The following TSPAN11 variants were observed in gnomAD, a reference collection of about 807,000 sequenced individuals.
TSPAN11 encodes tetraspanin 11.
A neutral mutation model predicts 32.9 loss-of-function variants in TSPAN11; 29 were observed. The observed-to-expected ratio is 0.88, with a 90% confidence interval of 0.66 to 1.20. The LOEUF (loss-of-function observed/expected upper bound fraction) is 1.20. Ranked by LOEUF, TSPAN11 falls within the 50% of genes most tolerant of loss-of-function variation. The pLI is 0.00. For missense variants in TSPAN11, 283 were observed against 329.1 expected (o/e 0.86, Z 1.08); for synonymous variants, 140 against 141.3 (o/e 0.99, Z 0.07).
chr12:30,959,951 T>C (rs1592477246), intron 2 of TSPAN11, among the ~76,000 whole-genome samples: 1 of 147,718 alleles, frequency 6.8e-6, no homozygotes, highest in East Asian at 2.0e-4. Context: ...GGGGGTGCCT[T>C]GGGGGATCAG....
chr12:30,974,154 T>C (rs1320347186), intron 3 of TSPAN11, among the ~76,000 whole-genome samples: 1 of 152,266 alleles, frequency 6.6e-6, no homozygotes, highest in African/African-American at 2.4e-5. Flanking sequence ...ATGTTCTGTT[T>C]CCAGCTCTTC....
At chr12:30,948,712 T>C (rs1369098828) in intron 1 of TSPAN11, among the ~76,000 whole-genome samples, 5 of 152,212 alleles carry the variant, frequency 3.3e-5, no homozygotes, top group Non-Finnish European at 7.3e-5. Flanking sequence ...GGGGCTGCCA[T>C]GAAGACCTCT....
chr12:30,950,654 G>C (rs1938363957), intron 1 of TSPAN11, among the ~76,000 whole-genome samples: 1 of 152,200 alleles, frequency 6.6e-6, no homozygotes, highest in Non-Finnish European at 1.5e-5. Context: ...TCAGTTTGCA[G>C]GTAAGCAGCT....
chr12:30,983,368 A>G (rs1939135347), intron 7 of TSPAN11, among the ~76,000 whole-genome samples: 1 of 152,176 alleles, frequency 6.6e-6, no homozygotes, highest in African/African-American at 2.4e-5. Context: ...GCTGGGGACA[A>G]CATGAACTTG....
intron 3 of TSPAN11, among the ~76,000 whole-genome samples, chr12:30,965,521 G>T (rs893577608): frequency 6.6e-6 from 1 of 152,036 alleles, no homozygotes; most frequent in Non-Finnish European, 1.5e-5. Flanking sequence ...GAAGGCCAGT[G>T]GTCCCCTGCA....
In TSPAN11 at chr12:30,961,504, C is replaced by T. The variant is rs185834854; in HGVS notation, c.85-2322C>T. Among the ~76,000 whole-genome samples the T allele has an allele frequency of 6.6e-5, 10 of 152,028 alleles. 3 individuals are homozygous for T. The highest frequency in any genetic ancestry group is 2.4e-4 in the African/African-American group (10 of 41,328). Reference sequence around the variant, plus strand: ...CCCGTGACCCCCTCTGGTGACCCATCCAACAGTGAGCAGTGTTAATTTTCC... The same window carrying T: ...CCCGTGACCCCCTCTGGTGACCCATTCAACAGTGAGCAGTGTTAATTTTCC... On this transcript the variant is annotated intron_variant, in intron 2 of 7. Coordinates refer to ENST00000546076, the MANE Select transcript of TSPAN11 (RefSeq NM_001370302.1).
At chr12:30,959,859 G>A (rs1028453202) in intron 2 of TSPAN11, among the ~76,000 whole-genome samples, 5 of 151,528 alleles carry the variant, frequency 3.3e-5, no homozygotes, top group Non-Finnish European at 5.9e-5. Context: ...GTTAAGGCCA[G>A]ACAGTAAGAG....
intron 1 of TSPAN11, among the ~76,000 whole-genome samples, chr12:30,945,898 C>A (rs1466863679): frequency 1.3e-5 from 2 of 152,170 alleles, no homozygotes; most frequent in African/African-American, 4.8e-5. Flanking sequence ...GTTCTGCAGT[C>A]AGAACCTCAG....
intron 3 of TSPAN11, among the ~76,000 whole-genome samples, chr12:30,974,326 T>G (rs1402262708): frequency 4.6e-5 from 7 of 152,206 alleles, no homozygotes; most frequent in Admixed American, 1.3e-4. Context: ...GCCAGATAAT[T>G]CTTCACTGCG....
At position 30,995,331 on chromosome 12, in the gene TSPAN11, C is replaced by T. The variant is rs1432398355; in HGVS notation, c.*3416C>T. 2.0e-5 allele frequency: 3 copies of T among 152,288 alleles called. No homozygotes were observed. The highest frequency in any genetic ancestry group is 4.8e-5 in the African/African-American group (2 of 41,458). The allele number at this position is 152,288 out of a possible 1,614,324, so 9.4% of individuals were successfully genotyped here. A position where few individuals can be genotyped will look rare whatever the true frequency, so the allele number is the denominator to read the frequency against. ...CCCTGGGGTTGTGTTGACCACCTCC[C>T]CTTCAGGTGAGGCCCTTTTCTGCCT... is the stretch of plus-strand genomic sequence containing the variant. On this transcript the variant is annotated 3_prime_UTR_variant, in exon 8 of 8. Transcript: ENST00000546076.
intron 2 of TSPAN11, among the ~76,000 whole-genome samples, chr12:30,959,150 C>T (rs1181446701): frequency 6.6e-6 from 1 of 152,164 alleles, no homozygotes; most frequent in Non-Finnish European, 1.5e-5. Context: ...GAGTCTCACA[C>T]TCACTGGGGC....
At chr12:31,003,441 G>C in the TSPAN11 span, among the ~76,000 whole-genome samples, 1 of 152,378 alleles carries the variant, frequency 6.6e-6, no homozygotes, top group Admixed American at 6.5e-5. Context: ...GGACAGATGA[G>C]CTGGGGGGTG....
At chr12:30,983,178 G>T (rs1012537414) in intron 7 of TSPAN11, 28 bp downstream of exon 7, 1 of 1,594,874 alleles carries the variant, frequency 6.3e-7, no homozygotes, top group Admixed American at 1.7e-5. Flanking sequence ...GACTGGTGGG[G>T]GTGGAAGGGC....
At chr12:30,958,635 G>A (rs1190090092) in intron 2 of TSPAN11, among the ~76,000 whole-genome samples, 1 of 152,160 alleles carries the variant, frequency 6.6e-6, no homozygotes, top group Non-Finnish European at 1.5e-5. Context: ...TTCAGACCTG[G>A]TCTCCCAGTC....
intron 2 of TSPAN11, among the ~76,000 whole-genome samples, chr12:30,959,757 G>C (rs1383427235): frequency 6.8e-6 from 1 of 146,526 alleles, no homozygotes; most frequent in Non-Finnish European, 1.5e-5. Context: ...TCCAGGCTGC[G>C]CGACCGAGTG....
rs531921192 is a variant in TSPAN11, at chr12:30,975,660, C to A, written c.277-2901C>A. 2.6e-4 allele frequency among the ~76,000 whole-genome samples: 39 copies of A among 152,156 alleles called. No homozygotes were observed. The highest frequency in any genetic ancestry group is 6.0e-4 in the African/African-American group (25 of 41,512). On this transcript the variant is annotated intron_variant, in intron 3 of 7. Coordinates refer to ENST00000546076, the MANE Select transcript of TSPAN11 (RefSeq NM_001370302.1). The surrounding 1 kb of genome is among the most constrained non-coding windows in gnomAD (Gnocchi z 4.5). ...CCTCCCCATCCTCCCTGTTCCCCAC[C>A]CCGTCTTCAATAGTAACTGGGGCAG...
intron 5 of TSPAN11, 147 bp downstream of exon 5, chr12:30,979,817 C>A: frequency 1.3e-6 from 1 of 752,896 alleles, no homozygotes; most frequent in Non-Finnish European, 2.2e-6. Context: ...CTCTTTAGGG[C>A]ACATGAGCAT....
chr12:30,984,551 GCTTT>G (rs1191393989), intron 7 of TSPAN11, among the ~76,000 whole-genome samples: 1,235 of 99,446 alleles, frequency 0.012, 9 homozygotes, highest in Non-Finnish European at 0.019. Context: ...TTCGCTTTTT[GCTTT>G]TTTTTTTTTT....
chr12:30,979,515 C>T (rs772557740), intron 4 of TSPAN11, 51 bp from the exon 5 acceptor site: 1 of 1,562,712 alleles, frequency 6.4e-7, no homozygotes, highest in Non-Finnish European at 8.8e-7. Flanking sequence ...GGTGCCAGGG[C>T]AGGGGTGGGG....
Sources: gnomAD v4.1 joint callset for allele counts (sites outside exome capture counted in the v4.1 genomes callset) on GRCh38, gnomAD v4.1.1 for gene constraint, Gnocchi (gnomAD v3.1) non-coding constraint, MANE v1.5 for transcripts, NCBI Gene and HGNC (gene_info 2026-07-23, HGNC 2026-07-21) for gene names.